Variants in ZNF385D observed in about 807,000 individuals in gnomAD.
ZNF385D encodes zinc finger protein 385D, also known as zinc finger protein 659.
In ZNF385D, 15 loss-of-function variants were observed where a neutral mutation model predicts 35.8. The ratio of observed to expected loss-of-function variants is 0.42; its 90% CI spans 0.28 to 0.64. The LOEUF is 0.64. Ranked by LOEUF, ZNF385D falls within the 30% of genes least tolerant of loss-of-function variation. The pLI is 0.23. For synonymous variants in ZNF385D, 212 were observed against 186.8 expected (o/e 1.13, Z -1.10); for missense variants, 474 against 494.6 (o/e 0.96, Z 0.39).
intron 3 of ZNF385D, among the ~76,000 whole-genome samples, chr3:21,912,647 G>T (rs1471002862): frequency 6.6e-6 from 1 of 152,046 alleles, no homozygotes; most frequent in Non-Finnish European, 1.5e-5. Flanking sequence ...TTAGGGGATT[G>T]TATATATCCA....
chr3:22,015,445 C>T (rs1413666128), intron 3 of ZNF385D, among the ~76,000 whole-genome samples: 4 of 152,112 alleles, frequency 2.6e-5, no homozygotes, highest in Non-Finnish European at 4.4e-5. Flanking sequence ...TTATCTCCTT[C>T]CTTGCCACCA....
At chr3:22,147,538 C>T (rs1704939730) in intron 3 of ZNF385D, among the ~76,000 whole-genome samples, 1 of 152,012 alleles carries the variant, frequency 6.6e-6, no homozygotes, top group Non-Finnish European at 1.5e-5. Flanking sequence ...GGAAAACCCA[C>T]CTGAGAAAAG....
At position 21,537,407 on chromosome 3, in the gene ZNF385D, C is replaced by T. The variant is rs553462175; in HGVS notation, c.277-26384G>A. ...CTCGGGTTACAGGCATCTGTAATCACCTGCTGGGATTACAGGTGTGAGCCA... is the reference window on the plus strand; with the variant it reads ...CTCGGGTTACAGGCATCTGTAATCATCTGCTGGGATTACAGGTGTGAGCCA... On this transcript the variant is annotated intron_variant, in intron 3 of 7. Transcript: ENST00000281523. Among the ~76,000 whole-genome samples the T allele has an allele frequency of 4.6e-5, 7 of 151,738 alleles. No individual in the cohort carries two copies. The East Asian group carries it at 9.7e-4, about 21-fold the overall frequency.
chr3:21,503,367 T>C (rs1706528937), intron 4 of ZNF385D, among the ~76,000 whole-genome samples: 1 of 152,188 alleles, frequency 6.6e-6, no homozygotes, highest in South Asian at 2.1e-4. Context: ...TGCATTTGTT[T>C]GAACTCTAAG....
intron 3 of ZNF385D, among the ~76,000 whole-genome samples, chr3:22,092,638 G>C (rs888364849): frequency 1.3e-5 from 2 of 152,032 alleles, no homozygotes; most frequent in African/African-American, 4.8e-5. Flanking sequence ...TCAGCCTTAT[G>C]GGTAGTGGCC....
chr3:22,187,335 T>G (rs1455424526), intron 2 of ZNF385D, among the ~76,000 whole-genome samples: 1 of 152,168 alleles, frequency 6.6e-6, no homozygotes, highest in South Asian at 2.1e-4. Context: ...TGGTGATACA[T>G]ATCTATTTCT....
chr3:21,809,853 T>C (rs961179042), intron 3 of ZNF385D, among the ~76,000 whole-genome samples: 1 of 151,860 alleles, frequency 6.6e-6, no homozygotes, highest in Non-Finnish European at 1.5e-5. Flanking sequence ...AGCTAACAGA[T>C]AACCTGAATT....
At chr3:22,301,927 C>A (rs934678043) in intron 2 of ZNF385D, among the ~76,000 whole-genome samples, 2 of 151,840 alleles carry the variant, frequency 1.3e-5, no homozygotes, top group African/African-American at 4.8e-5. Context: ...TTTTCTATAC[C>A]GATGCATGTA....
At chr3:22,147,031 T>C (rs1431809752) in intron 3 of ZNF385D, among the ~76,000 whole-genome samples, 3 of 152,170 alleles carry the variant, frequency 2.0e-5, no homozygotes, top group Non-Finnish European at 4.4e-5. Context: ...TGTTAGCAAA[T>C]CTGACATTGT....
chr3:21,771,952 A>G (rs1250557293), intron 3 of ZNF385D, among the ~76,000 whole-genome samples: 2 of 151,972 alleles, frequency 1.3e-5, no homozygotes, highest in Non-Finnish European at 2.9e-5. Context: ...TACTTTTGAC[A>G]AGGGTGGTAA....
At chr3:21,445,843 T>C (rs1702119777) in intron 4 of ZNF385D, among the ~76,000 whole-genome samples, 1 of 152,340 alleles carries the variant, frequency 6.6e-6, no homozygotes, top group South Asian at 2.1e-4. Context: ...ATCATTGACC[T>C]CCTAAGTGAA....
chr3:21,782,399 C>G (rs571357045), intron 3 of ZNF385D, among the ~76,000 whole-genome samples: 12 of 152,174 alleles, frequency 7.9e-5, no homozygotes, highest in African/African-American at 2.9e-4. Context: ...AATTAGGAAA[C>G]TGAGGCATGG....
chr3:21,807,882 A>C (rs2072724644), intron 3 of ZNF385D, among the ~76,000 whole-genome samples: 1 of 152,192 alleles, frequency 6.6e-6, no homozygotes, highest in African/African-American at 2.4e-5. Context: ...CTAAATTCAA[A>C]GTCTGCATTA....
At chr3:21,764,280 A>G (rs1212832357) in intron 3 of ZNF385D, among the ~76,000 whole-genome samples, 1 of 152,158 alleles carries the variant, frequency 6.6e-6, no homozygotes, top group Admixed American at 6.6e-5. Context: ...AGAGTGGTAT[A>G]GTATTAGTTA....
intron 3 of ZNF385D, among the ~76,000 whole-genome samples, chr3:22,038,211 A>G (rs1307766963): frequency 6.6e-6 from 1 of 152,192 alleles, no homozygotes; most frequent in Non-Finnish European, 1.5e-5. Flanking sequence ...CACATGAAGG[A>G]GTTTTCTTGA....
At chr3:21,576,085 C>T (rs1252229256) in intron 2 of ZNF385D, among the ~76,000 whole-genome samples, 1 of 152,126 alleles carries the variant, frequency 6.6e-6, no homozygotes, top group Non-Finnish European at 1.5e-5. Flanking sequence ...CTGCAAACCA[C>T]CAAGCATAAT....
At chr3:21,729,080 G>A (rs1483669102) in intron 1 of ZNF385D, among the ~76,000 whole-genome samples, 2 of 152,074 alleles carry the variant, frequency 1.3e-5, no homozygotes, top group Non-Finnish European at 2.9e-5. Context: ...CCTGTATTCT[G>A]AGTACAGAAA....
chr3:22,016,969 C>T (rs920711402), intron 3 of ZNF385D, among the ~76,000 whole-genome samples: 8 of 151,794 alleles, frequency 5.3e-5, no homozygotes, highest in South Asian at 4.2e-4. Flanking sequence ...CACACACACA[C>T]ACTTTCTCAT....
chr3:21,939,503 T>C (rs531998590), intron 3 of ZNF385D, among the ~76,000 whole-genome samples: 2 of 152,268 alleles, frequency 1.3e-5, no homozygotes, highest in South Asian at 2.1e-4. Flanking sequence ...ACCAATTATA[T>C]ATTGTAAATT....
Sources: gnomAD v4.1 joint callset for allele counts (sites outside exome capture counted in the v4.1 genomes callset) on GRCh38, gnomAD v4.1.1 for gene constraint, MANE v1.5 for transcripts, NCBI Gene and HGNC (gene_info 2026-07-23, HGNC 2026-07-21) for gene names.